DHRS11: variants seen among roughly 807,000 people sequenced by gnomAD.
The protein encoded by DHRS11 is dehydrogenase/reductase 11, also known as dehydrogenase/reductase SDR family member 11.
In DHRS11, 18 loss-of-function variants were observed where a neutral mutation model predicts 30.7. The ratio of observed to expected loss-of-function variants is 0.59; its 90% CI spans 0.41 to 0.87. The LOEUF (loss-of-function observed/expected upper bound fraction) is 0.87. DHRS11 is among the 40% of genes least tolerant of loss of function. The pLI, the probability that DHRS11 is intolerant of heterozygous loss-of-function variation, is 0.00. For missense variants in DHRS11, 300 were observed against 349.0 expected, an observed-to-expected ratio of 0.86 and a Z score of 1.12; for synonymous variants, 123 against 139.6, an observed-to-expected ratio of 0.88 and a Z score of 0.84.
At chr17:36,598,290 C>T (rs1599567816) in intron 3 of DHRS11, 33 bp downstream of exon 3, 6 of 1,601,944 alleles carry the variant, frequency 3.7e-6, no homozygotes, top group Non-Finnish European at 5.1e-6. Context: ...TACCACTCAC[C>T]CACCAGGCTG....
Position 36,592,259 on chromosome 17 carries a change from C to T in DHRS11, c.147+103C>T. 8.3e-7 allele frequency: 1 copy of T among 1,205,178 alleles called. No homozygotes were observed. The highest frequency in any genetic ancestry group is 1.6e-5 in the African/African-American group (1 of 63,838). The allele number at this position is 1,205,178 out of a possible 1,614,324, so 74.7% of individuals were successfully genotyped here. ...GGCCCTTTGCTCTAGTCGGGGCGGC[C>T]TCTCGGATCCCTTAAGGCAGGCTTC... On this transcript the variant is annotated intron_variant, in intron 1 of 6. Coordinates refer to ENST00000618403, the MANE Select transcript of DHRS11 (RefSeq NM_024308.4). The surrounding 1 kb of genome is among the most constrained non-coding windows in gnomAD (Gnocchi z 4.4).
chr17:36,598,119 T>C (rs372646672), intron 2 of DHRS11, 44 bp from the exon 3 acceptor site: 15 of 1,598,086 alleles, frequency 9.4e-6, no homozygotes, highest in African/African-American at 5.4e-5. Flanking sequence ...ACTTGCTCAG[T>C]TGGGCCGGAG....
intron 1 of DHRS11, chr17:36,594,606 G>C (rs1226358170): frequency 3.1e-6 from 1 of 322,940 alleles, no homozygotes; most frequent in African/African-American, 2.1e-5. Context: ...TAGAGATAGG[G>C]TTCCACCAAG....
chr17:36,598,708 G>T, intron 3 of DHRS11: 1 of 584,008 alleles, frequency 1.7e-6, no homozygotes, highest in Non-Finnish European at 3.0e-6. Flanking sequence ...TCTGTCGTCA[G>T]CTTAGGGATG....
intron 4 of DHRS11, chr17:36,599,337 C>T (rs899113893): frequency 4.0e-5 from 22 of 551,544 alleles, no homozygotes; most frequent in African/African-American, 1.9e-4. Flanking sequence ...GGCTGGAAAC[C>T]GGGACTCTGG....
chr17:36,597,085 G>T, intron 2 of DHRS11: 1 of 294,058 alleles, frequency 3.4e-6, no homozygotes. Context: ...CCCTAGACCT[G>T]GGAGATTTAC....
intron 1 of DHRS11, chr17:36,594,586 G>A: frequency 3.9e-6 from 1 of 259,028 alleles, no homozygotes; most frequent in Non-Finnish European, 7.5e-6. Flanking sequence ...GCTAATTTTT[G>A]TATTTTCAGT....
Position 36,592,031 on chromosome 17 carries a change from C to T in DHRS11, c.22C>T (p.Arg8Trp). ...GCCCATGGCCAGGCCCGGCATGGAGCGGTGGCGCGACCGGCTGGCGCTGGT... is the reference window on the plus strand; with the variant it reads ...GCCCATGGCCAGGCCCGGCATGGAGTGGTGGCGCGACCGGCTGGCGCTGGT... MARPGME[R>W]WRDRLALVTG... The change falls in exon 1 of 7, where the codon CGG (arginine) becomes TGG (tryptophan). Residue 8 changes from arginine to tryptophan, a missense_variant. Physicochemically the swap from Arg to Trp is moderately radical, Grantham distance 101. Coordinates refer to ENST00000618403, the MANE Select transcript of DHRS11 (RefSeq NM_024308.4). The surrounding 1 kb of genome is among the most constrained non-coding windows in gnomAD (Gnocchi z 4.4). The T allele has an allele frequency of 2.4e-6, 3 of 1,230,836 alleles. No individual in the cohort carries two copies. The highest frequency in any genetic ancestry group is 3.0e-6 in the Non-Finnish European group (3 of 986,840). 76.2% of individuals were successfully genotyped at this position (1,230,836 alleles called of 1,614,324 possible).
rs908005492 is a variant in DHRS11 at position 36,597,941 on chromosome 17, G to T, written c.358-222G>T. On this transcript the variant is annotated intron_variant, in intron 2 of 6. Coordinates refer to ENST00000618403, the MANE Select transcript of DHRS11 (RefSeq NM_024308.4). Reference sequence around the variant, plus strand: ...TTGCAGGAACTTGGGGGGTCAGCCAGGTGAGGAGCTACCTCTGTTATCAAC... The same window carrying T: ...TTGCAGGAACTTGGGGGGTCAGCCATGTGAGGAGCTACCTCTGTTATCAAC... 4 of 594,516 alleles carry T rather than the reference G, an allele frequency of 6.7e-6. No individual in the cohort carries two copies. The African/African-American group carries it at 7.5e-5, about 11-fold the overall frequency. The allele number at this position is 594,516 out of a possible 1,614,324, so 36.8% of individuals were successfully genotyped here.
chr17:36,595,189 T>TC lies in DHRS11; in HGVS notation c.357+11dup. 2 of 1,612,614 alleles carry TC rather than the reference T, an allele frequency of 1.2e-6. No homozygotes were observed. The highest frequency in any genetic ancestry group is 1.7e-6 in the Non-Finnish European group (2 of 1,179,942). Reference sequence around the variant, plus strand: ...GGAAGGACATGTTCAATGTAAGAGCTCCAAGCCTCCATCTTCCAGGTGGAG... The same window carrying TC: ...GGAAGGACATGTTCAATGTAAGAGCTCCCAAGCCTCCATCTTCCAGGTGGAG... On this transcript the variant is annotated intron_variant, in intron 2 of 6. Coordinates refer to ENST00000618403, the MANE Select transcript of DHRS11 (RefSeq NM_024308.4).
chr17:36,592,726 A>C lies in DHRS11; in HGVS notation c.147+570A>C, dbSNP rs1323313412. On this transcript the variant is annotated intron_variant, in intron 1 of 6. Transcript: ENST00000618403. This position sits in a 1 kb window ranked among gnomAD's most constrained non-coding sequence, Gnocchi z 4.4. ...GAAATCGGGCGGAAACCTTGAGAGGATAAAGCAACCTGGAACTCCTTACTC... is the reference window on the plus strand; with the variant it reads ...GAAATCGGGCGGAAACCTTGAGAGGCTAAAGCAACCTGGAACTCCTTACTC... Among the ~76,000 whole-genome samples the C allele has an allele frequency of 6.6e-6, 1 of 152,146 alleles. No homozygotes were observed. The highest frequency in any genetic ancestry group is 1.5e-5 in the Non-Finnish European group (1 of 68,028).
chr17:36,595,793 T>C (rs2074806062), intron 2 of DHRS11, among the ~76,000 whole-genome samples: 1 of 152,164 alleles, frequency 6.6e-6, no homozygotes, highest in Admixed American at 6.5e-5. Flanking sequence ...AGAGAACTGC[T>C]GCCTGTTGAA....
chr17:36,598,861 G>C lies in DHRS11; in HGVS notation c.453-60G>C, dbSNP rs2074832330. Reference sequence around the variant, plus strand: ...GTGGGGCTGACCGGGTACGGCAGGAGCACCACTGGTCTCCCTGGAACTTCA... The same window carrying C: ...GTGGGGCTGACCGGGTACGGCAGGACCACCACTGGTCTCCCTGGAACTTCA... On this transcript the variant is annotated intron_variant, in intron 3 of 6. Coordinates refer to ENST00000618403, the MANE Select transcript of DHRS11 (RefSeq NM_024308.4). 1.9e-6 allele frequency: 3 copies of C among 1,555,970 alleles called. No individual in the cohort carries two copies. In the Admixed American group the frequency reaches 5.2e-5, roughly 27 times the overall value.
At chr17:36,599,167 T>C in intron 4 of DHRS11, 117 bp downstream of exon 4, 1 of 1,433,548 alleles carries the variant, frequency 7.0e-7, no homozygotes, top group Non-Finnish European at 9.2e-7. Context: ...GGGAGTGGAC[T>C]GGGCACAGAA....
Position 36,592,580 on chromosome 17 carries a change from A to T in DHRS11, c.147+424A>T, listed in dbSNP as rs914019790. On this transcript the variant is annotated intron_variant, in intron 1 of 6. Transcript: ENST00000618403. This position sits in a 1 kb window ranked among gnomAD's most constrained non-coding sequence, Gnocchi z 4.4. ...AGGTTGGGGTTGGGGTGGGAGCTTT[A>T]CTGAAGAGCCTCAGCCCCGCCCCCT... is the stretch of plus-strand genomic sequence containing the variant. Among the ~76,000 whole-genome samples, 3 of 152,110 alleles carry T rather than the reference A, an allele frequency of 2.0e-5. No homozygotes were observed. Among genetic ancestry groups the T allele is most frequent in the Non-Finnish European group, 4.4e-5 (3 of 68,002 alleles).
rs748450094 is a variant in DHRS11 at position 36,595,171 on chromosome 17, C to T, written c.348C>T (p.Asp116=). ...LLSGSTSGWK[D]MFNVNVLALS... ...CAGGCAGCACCAGTGGTTGGAAGGA[C>T]ATGTTCAATGTAAGAGCTCCAAGCC... The change falls in exon 2 of 7, where the codon GAC becomes GAT. Residue 116 remains aspartate (D), a synonymous_variant. Coordinates refer to ENST00000618403, the MANE Select transcript of DHRS11 (RefSeq NM_024308.4). The T allele has an allele frequency of 1.4e-5, 22 of 1,613,416 alleles. No individual in the cohort carries two copies. Among genetic ancestry groups the T allele is most frequent in the Non-Finnish European group, 1.8e-5 (21 of 1,180,026 alleles).
At chr17:36,594,926 G>C (rs757958894) in intron 1 of DHRS11, 45 bp from the exon 2 acceptor site, 1 of 1,606,122 alleles carries the variant, frequency 6.2e-7, no homozygotes, top group Non-Finnish European at 8.5e-7. Context: ...GGGAGCCGTG[G>C]GAGTGAGCTG....
chr17:36,598,868 TGGTCTCCC>T, intron 3 of DHRS11, 45 bp from the exon 4 acceptor site: 1 of 1,566,426 alleles, frequency 6.4e-7, no homozygotes, highest in Non-Finnish European at 8.7e-7. Flanking sequence ...GGAGCACCAC[TGGTCTCCC>T]TGGAACTTCA....
At position 36,592,968 on chromosome 17, in the gene DHRS11, G is replaced by A. The variant is rs146423109; in HGVS notation, c.147+812G>A. 2.1e-3 allele frequency among the ~76,000 whole-genome samples: 312 copies of A among 152,180 alleles called. 3 individuals carry two copies. The highest frequency in any genetic ancestry group is 7.2e-3 in the African/African-American group (299 of 41,526). On this transcript the variant is annotated intron_variant, in intron 1 of 6. Coordinates refer to ENST00000618403, the MANE Select transcript of DHRS11 (RefSeq NM_024308.4). This position sits in a 1 kb window ranked among gnomAD's most constrained non-coding sequence, Gnocchi z 4.4. Reference sequence around the variant, plus strand: ...AAGGAGGCCTTGGGTGGGGGCAGAGGGAGAAGGTATACAGGAAGGAGGACT... The same window carrying A: ...AAGGAGGCCTTGGGTGGGGGCAGAGAGAGAAGGTATACAGGAAGGAGGACT...
Sources: allele counts gnomAD v4.1 joint callset (sites outside exome capture counted in the v4.1 genomes callset), GRCh38; gene constraint gnomAD v4.1.1; non-coding constraint Gnocchi (gnomAD v3.1); transcripts MANE v1.5; gene names NCBI Gene and HGNC (gene_info 2026-07-23, HGNC 2026-07-21).